The following ACBD6 variants were observed in gnomAD, a reference collection of about 807,000 sequenced individuals.
ACBD6 encodes the protein acyl-CoA binding domain containing 6, also known as acyl-CoA-binding domain-containing protein 6.
A neutral mutation model predicts 37.2 loss-of-function variants in ACBD6; 28 were observed. That is an observed-to-expected ratio of 0.75 (90% CI 0.56 to 1.03). The LOEUF is 1.03. Among genes scored for constraint, ACBD6 ranks in the 50% least tolerant of loss-of-function variants. ACBD6 has a pLI of 0.00. For missense variants in ACBD6, 340 were observed against 337.4 expected (o/e 1.01, Z -0.06); for synonymous variants, 113 against 126.8 (o/e 0.89, Z 0.73).
At chr1:180,365,662 G>A (rs753794731) in intron 6 of ACBD6, among the ~76,000 whole-genome samples, 12 of 152,042 alleles carry the variant, frequency 7.9e-5, no homozygotes, top group Non-Finnish European at 8.8e-5. Context: ...AATTTGCTTT[G>A]TAAGAGCAAC....
chr1:180,443,021 G>T (rs1406740896), intron 3 of ACBD6, among the ~76,000 whole-genome samples: 17 of 151,636 alleles, frequency 1.1e-4, no homozygotes, highest in Admixed American at 1.1e-3. Context: ...TTTTTGGCAA[G>T]CTTTAAAGAC....
intron 6 of ACBD6, among the ~76,000 whole-genome samples, chr1:180,320,166 G>T (rs761143249): frequency 6.6e-6 from 1 of 152,122 alleles, no homozygotes; most frequent in Non-Finnish European, 1.5e-5. Context: ...GCCAGTATTT[G>T]TTATTGCCTG....
chr1:180,382,557 G>A lies in ACBD6; in HGVS notation c.663+14959C>T, dbSNP rs143189317. 2.0e-5 allele frequency among the ~76,000 whole-genome samples: 3 copies of A among 152,240 alleles called. No homozygotes were observed. In the East Asian group the frequency reaches 5.8e-4, roughly 29 times the overall value. The stretch of plus-strand genomic sequence containing the variant: ...CAGTGAGTAATGAGATTGAATCAGT[G>A]ATAAAAAGTCTCTCAACAAAGAAAA... On this transcript the variant is annotated intron_variant, in intron 6 of 7. Transcript: ENST00000367595.
chr1:180,306,087 G>T (rs1171815273), intron 7 of ACBD6, among the ~76,000 whole-genome samples: 2 of 135,676 alleles, frequency 1.5e-5, no homozygotes, highest in Non-Finnish European at 3.1e-5. Context: ...ATCACACCCC[G>T]GGGACTGTTG....
chr1:180,423,243 C>T (rs1008945329), intron 4 of ACBD6, among the ~76,000 whole-genome samples: 7 of 152,256 alleles, frequency 4.6e-5, no homozygotes, highest in African/African-American at 1.4e-4. Flanking sequence ...AAAACATCAA[C>T]GTATAAGTGG....
chr1:180,300,735 T>C (rs1358358842), intron 7 of ACBD6, among the ~76,000 whole-genome samples: 1 of 152,178 alleles, frequency 6.6e-6, no homozygotes, highest in Non-Finnish European at 1.5e-5. Flanking sequence ...ATAATTTTTA[T>C]TAATGTATAA....
intron 5 of ACBD6, among the ~76,000 whole-genome samples, chr1:180,406,954 T>C (rs994288738): frequency 6.6e-6 from 1 of 152,224 alleles, no homozygotes; most frequent in African/African-American, 2.4e-5. Flanking sequence ...AGAAGTTTAA[T>C]TTTGAGGCTA....
At chr1:180,339,752 CAA>C (rs1461779136) in intron 6 of ACBD6, among the ~76,000 whole-genome samples, 3 of 150,756 alleles carry the variant, frequency 2.0e-5, no homozygotes, top group South Asian at 4.2e-4. Flanking sequence ...GGACAGCAAA[CAA>C]GACAAAAATC....
In ACBD6 at chr1:180,405,258, G is replaced by T. The variant is rs529618781; in HGVS notation, c.574-7653C>A. ...ACCAGAGTTTGCAGCAGTTTCTCAAGCCAAAAGCATGCAAATTGTATTGTT... is the reference window on the plus strand; with the variant it reads ...ACCAGAGTTTGCAGCAGTTTCTCAATCCAAAAGCATGCAAATTGTATTGTT... On this transcript the variant is annotated intron_variant, in intron 5 of 7. Transcript: ENST00000367595. Among the ~76,000 whole-genome samples, 77 of 117,704 alleles carry T rather than the reference G, an allele frequency of 6.5e-4. 2 individuals are homozygous for T. The South Asian group carries it at 0.023, about 35-fold the overall frequency. The allele number at this position is 117,704 out of a possible 152,430, so 77.2% of individuals were successfully genotyped here. A position where few individuals can be genotyped will look rare whatever the true frequency, so the allele number is the denominator to read the frequency against.
At chr1:180,492,123 T>C in intron 3 of ACBD6, 146 bp downstream of exon 3, 1 of 673,076 alleles carries the variant, frequency 1.5e-6, no homozygotes, top group East Asian at 2.9e-5. Flanking sequence ...ATTATTTTAT[T>C]AGATAAATAT....
chr1:180,411,665 TTTTG>T (rs550373652), intron 5 of ACBD6, among the ~76,000 whole-genome samples: 24 of 152,250 alleles, frequency 1.6e-4, no homozygotes, highest in South Asian at 4.1e-4. Flanking sequence ...AACACAACTT[TTTTG>T]TTTGTTTGTT....
chr1:180,452,551 C>T (rs1649753341), intron 3 of ACBD6, among the ~76,000 whole-genome samples: 1 of 151,514 alleles, frequency 6.6e-6, no homozygotes, highest in Admixed American at 6.6e-5. Flanking sequence ...TAGCAGAAGA[C>T]AAGAAATAAC....
chr1:180,444,385 T>G (rs1266986517), intron 3 of ACBD6, among the ~76,000 whole-genome samples: 1 of 152,162 alleles, frequency 6.6e-6, no homozygotes. Context: ...TCCCCTTTCC[T>G]GGGATTAGTT....
chr1:180,430,153 A>G (rs1425193321), intron 4 of ACBD6, 27 bp downstream of exon 4: 2 of 1,576,236 alleles, frequency 1.3e-6, no homozygotes, highest in Non-Finnish European at 1.7e-6. Flanking sequence ...ATATATTTCT[A>G]TTATCAAAGA....
chr1:180,385,895 C>T (rs530252385), intron 6 of ACBD6, among the ~76,000 whole-genome samples: 24 of 152,242 alleles, frequency 1.6e-4, no homozygotes, highest in African/African-American at 4.8e-4. Context: ...AAAGGCTGGG[C>T]GCAATGGCTC....
chr1:180,479,661 T>C (rs1425610369), intron 3 of ACBD6, among the ~76,000 whole-genome samples: 1 of 152,180 alleles, frequency 6.6e-6, no homozygotes, highest in Non-Finnish European at 1.5e-5. Context: ...CAGCACTATA[T>C]ACATGTAACA....
chr1:180,421,133 A>T (rs1034688046), intron 4 of ACBD6, among the ~76,000 whole-genome samples: 1 of 152,088 alleles, frequency 6.6e-6, no homozygotes, highest in Non-Finnish European at 1.5e-5. Context: ...TAAGCCCAGC[A>T]TCCATTAGCT....
At chr1:180,271,978 GGTTA>G (rs760147977) in intron 13 of ACBD6, 1 of 1,612,970 alleles carries the variant, frequency 6.2e-7, no homozygotes, top group East Asian at 2.2e-5. Flanking sequence ...AGGACTGTGG[GGTTA>G]GTGACAGTGA....
intron 6 of ACBD6, among the ~76,000 whole-genome samples, chr1:180,346,990 C>T (rs556463944): frequency 3.3e-5 from 5 of 151,840 alleles, no homozygotes; most frequent in South Asian, 2.1e-4. Flanking sequence ...CACTCCACCC[C>T]GGGTGACAGA....
Sources: allele counts gnomAD v4.1 joint callset (sites outside exome capture counted in the v4.1 genomes callset), GRCh38; gene constraint gnomAD v4.1.1; transcripts MANE v1.5; gene names NCBI Gene and HGNC (gene_info 2026-07-23, HGNC 2026-07-21).